OTUD7A: variants seen among roughly 807,000 people sequenced by gnomAD.
OTUD7A encodes OTU domain-containing protein 7A.
OTUD7A carries 12 observed loss-of-function variants against 65.7 expected under a neutral mutation model. The observed-to-expected ratio is 0.18, with a 90% CI of 0.12 to 0.30. OTUD7A has a LOEUF of 0.30. OTUD7A is among the 10% of genes least tolerant of loss of function. OTUD7A has a pLI of 1.00. For synonymous variants in OTUD7A, 641 were observed against 586.3 expected (o/e 1.09, Z -1.35); for missense variants, 1,148 against 1,304.8 (o/e 0.88, Z 1.85).
intron 1 of OTUD7A, among the ~76,000 whole-genome samples, chr15:31,825,325 G>C (rs941049867): frequency 6.6e-6 from 1 of 152,238 alleles, no homozygotes; most frequent in African/African-American, 2.4e-5. Flanking sequence ...GGAAGGCAAA[G>C]AGGAGCAAGT....
At chr15:31,620,558 G>A (rs1034510798) in intron 3 of OTUD7A, among the ~76,000 whole-genome samples, 53 of 150,452 alleles carry the variant, frequency 3.5e-4, no homozygotes, top group Non-Finnish European at 5.3e-4. Flanking sequence ...TTTGTGTAGA[G>A]GTGTTTATAG....
intron 1 of OTUD7A, among the ~76,000 whole-genome samples, chr15:31,857,685 C>T (rs1022606229): frequency 1.2e-4 from 19 of 152,174 alleles, no homozygotes; most frequent in African/African-American, 4.1e-4. Context: ...CTCCAGACTG[C>T]CCCCCACGTC....
chr15:31,643,407 T>C (rs919418980), intron 3 of OTUD7A, among the ~76,000 whole-genome samples: 1 of 152,246 alleles, frequency 6.6e-6, no homozygotes, highest in African/African-American at 2.4e-5. Context: ...AGCAATGTGC[T>C]GTTAATTCCA....
At chr15:31,517,741 C>T (rs1045003213) in intron 8 of OTUD7A, among the ~76,000 whole-genome samples, 2 of 152,130 alleles carry the variant, frequency 1.3e-5, no homozygotes, top group African/African-American at 2.4e-5. Flanking sequence ...TGGGGGTGGG[C>T]AGAGGCTGAG....
rs1226176257 is a variant in OTUD7A, at chr15:31,660,037, A to T, written c.-99-2960T>A. ...TAAGGATACAGTGAGATGACACTGA[A>T]AGAACATGCACTATTACTATTATTA... On this transcript the variant is annotated intron_variant, in intron 1 of 12. Coordinates refer to ENST00000307050, the MANE Select transcript of OTUD7A (RefSeq NM_001382637.1). Among the ~76,000 whole-genome samples the T allele has an allele frequency of 3.3e-5, 5 of 152,294 alleles. No homozygotes were observed. In the East Asian group the frequency reaches 7.7e-4, roughly 23 times the overall value.
Position 31,862,257 on chromosome 15 carries a change from G to A in OTUD7A, c.-100+8250C>T, listed in dbSNP as rs115383448. ...AGGAAGTACGTTCTGTAATGATCCT[G>A]CCCAATGAGCCCTTGTATGCCTGTT... On this transcript the variant is annotated intron_variant, in intron 1 of 12. Transcript: ENST00000307050. 5.2e-3 allele frequency among the ~76,000 whole-genome samples: 799 copies of A among 152,320 alleles called. 10 individuals carry two copies. Among genetic ancestry groups the A allele is most frequent in the African/African-American group, 0.019 (769 of 41,550 alleles).
chr15:31,537,613 T>C (rs1156754125), intron 5 of OTUD7A, among the ~76,000 whole-genome samples: 1 of 152,228 alleles, frequency 6.6e-6, no homozygotes, highest in Non-Finnish European at 1.5e-5. Context: ...CTCACTTGAC[T>C]TTTAAAAAGT....
At chr15:31,619,262 T>C (rs1458614262) in intron 3 of OTUD7A, among the ~76,000 whole-genome samples, 8 of 152,190 alleles carry the variant, frequency 5.3e-5, no homozygotes, top group African/African-American at 1.9e-4. Context: ...ATGCGGGCTC[T>C]TTTTTGGTTC....
chr15:31,758,574 A>G lies in OTUD7A; in HGVS notation c.-99-101497T>C, dbSNP rs1219392261. 4.6e-5 allele frequency among the ~76,000 whole-genome samples: 7 copies of G among 152,386 alleles called. No homozygotes were observed. The East Asian group carries it at 1.3e-3, about 29-fold the overall frequency. On this transcript the variant is annotated intron_variant, in intron 1 of 12. Transcript: ENST00000307050. Reference sequence around the variant, plus strand: ...ATACTGCTCGAACCAGAGAGCAGACATGGTCATTTATAAAGACTATGACTT... The same window carrying G: ...ATACTGCTCGAACCAGAGAGCAGACGTGGTCATTTATAAAGACTATGACTT...
At chr15:31,630,708 A>C (rs1028963219) in intron 3 of OTUD7A, among the ~76,000 whole-genome samples, 1 of 151,974 alleles carries the variant, frequency 6.6e-6, no homozygotes, top group Non-Finnish European at 1.5e-5. Context: ...CCCATTATTA[A>C]TGTGTGGGAG....
chr15:31,591,582 C>T (rs1889725336), intron 3 of OTUD7A, among the ~76,000 whole-genome samples: 1 of 152,154 alleles, frequency 6.6e-6, no homozygotes, highest in Non-Finnish European at 1.5e-5. Flanking sequence ...CTTACACCCC[C>T]AGCTCTCCCA....
intron 8 of OTUD7A, among the ~76,000 whole-genome samples, chr15:31,512,092 G>C (rs2041762859): frequency 6.6e-6 from 1 of 152,186 alleles, no homozygotes; most frequent in South Asian, 2.1e-4. Context: ...TTTAACTAAG[G>C]AATGCTTTAC....
At chr15:31,635,909 C>G (rs1891326094) in intron 3 of OTUD7A, among the ~76,000 whole-genome samples, 1 of 152,258 alleles carries the variant, frequency 6.6e-6, no homozygotes, top group Non-Finnish European at 1.5e-5. Context: ...CACTTGCCAG[C>G]TGGTCTCCGG....
At chr15:31,584,593 G>A (rs1390564365) in intron 3 of OTUD7A, among the ~76,000 whole-genome samples, 1 of 152,178 alleles carries the variant, frequency 6.6e-6, no homozygotes, top group African/African-American at 2.4e-5. Context: ...TCTTAACTAC[G>A]AAGACAGCCT....
At chr15:31,857,190 C>T (rs940019994) in intron 1 of OTUD7A, among the ~76,000 whole-genome samples, 5 of 152,154 alleles carry the variant, frequency 3.3e-5, no homozygotes, top group African/African-American at 1.2e-4. Context: ...AATGAATGCA[C>T]CTGGACAGTC....
chr15:31,817,357 A>G (rs190127063), intron 1 of OTUD7A, among the ~76,000 whole-genome samples: 3 of 151,718 alleles, frequency 2.0e-5, no homozygotes, highest in African/African-American at 7.2e-5. Context: ...CTGATTAAAA[A>G]TAACTCCATT....
rs76037786 is a variant in OTUD7A, at chr15:31,861,448, T to C, written c.-100+9059A>G. Among the ~76,000 whole-genome samples the C allele has an allele frequency of 6.7e-3, 1,028 of 152,322 alleles. 8 individuals are homozygous for C. The highest frequency in any genetic ancestry group is 0.021 in the African/African-American group (863 of 41,566). ...GCCCCTGAAGCACCTTTTCTGATGA[T>C]GCATTTCTGAACATACTGCTTGCCA... On this transcript the variant is annotated intron_variant, in intron 1 of 12. Coordinates refer to ENST00000307050, the MANE Select transcript of OTUD7A (RefSeq NM_001382637.1).
At chr15:31,584,682 T>C (rs931587492) in intron 3 of OTUD7A, among the ~76,000 whole-genome samples, 1 of 152,142 alleles carries the variant, frequency 6.6e-6, no homozygotes, top group Non-Finnish European at 1.5e-5. Context: ...TAGGAACATG[T>C]CACCAGCAGC....
intron 5 of OTUD7A, among the ~76,000 whole-genome samples, chr15:31,551,825 C>CCTGCCATGGGA (rs1888333481): frequency 6.6e-6 from 1 of 152,194 alleles, no homozygotes; most frequent in African/African-American, 2.4e-5. Context: ...TGTGAGAGCT[C>CCTGCCATGGGA]CTGCCATGGG....
Sources: gnomAD v4.1 joint callset for allele counts (sites outside exome capture counted in the v4.1 genomes callset) on GRCh38, gnomAD v4.1.1 for gene constraint, MANE v1.5 for transcripts, NCBI Gene and HGNC (gene_info 2026-07-23, HGNC 2026-07-21) for gene names.